The following ABL1 variants were observed in gnomAD, a reference collection of about 807,000 sequenced individuals.
ABL1 encodes tyrosine-protein kinase ABL1.
In ABL1, 11 loss-of-function variants were observed where a neutral mutation model predicts 94.7. That is an observed-to-expected ratio of 0.12 (90% CI 0.07 to 0.19). The LOEUF (loss-of-function observed/expected upper bound fraction) is 0.19. ABL1 is among the 10% of genes least tolerant of loss of function. ABL1 has a pLI of 1.00. For synonymous variants in ABL1, 656 were observed against 622.4 expected (o/e 1.05, Z -0.80); for missense variants, 1,082 against 1,489.4 (o/e 0.73, Z 4.50).
chr9:130,858,113 C>T (rs982195105), intron 3 of ABL1, among the ~76,000 whole-genome samples: 2 of 151,540 alleles, frequency 1.3e-5, no homozygotes, highest in African/African-American at 2.4e-5. Context: ...AGGTTTGCAC[C>T]GAACAGGATA....
intron 1 of ABL1, among the ~76,000 whole-genome samples, chr9:130,750,550 C>T (rs1247904527): frequency 6.7e-6 from 1 of 149,936 alleles, no homozygotes; most frequent in African/African-American, 2.4e-5. Context: ...ATCCTGGGTT[C>T]AAATGATTCT....
intron 1 of ABL1, among the ~76,000 whole-genome samples, chr9:130,755,203 T>C (rs937752139): frequency 1.3e-5 from 2 of 152,140 alleles, no homozygotes; most frequent in African/African-American, 4.8e-5. Flanking sequence ...GAATTTAGGT[T>C]GGGAGTGGAA....
chr9:130,725,297 G>A (rs1189615471), intron 1 of ABL1, among the ~76,000 whole-genome samples: 1 of 152,024 alleles, frequency 6.6e-6, no homozygotes, highest in African/African-American at 2.4e-5. Flanking sequence ...CTATGAATTT[G>A]CTCATTCTAG....
chr9:130,722,901 A>G (rs748393592), intron 1 of ABL1, among the ~76,000 whole-genome samples: 1 of 152,202 alleles, frequency 6.6e-6, no homozygotes, highest in Non-Finnish European at 1.5e-5. Context: ...ATGTGAAATC[A>G]TTTTGTATCA....
intron 1 of ABL1, among the ~76,000 whole-genome samples, chr9:130,719,514 G>A (rs534504176): frequency 2.0e-5 from 3 of 152,142 alleles, no homozygotes; most frequent in African/African-American, 4.8e-5. Context: ...CCTGGGCGAC[G>A]GAGTGAGACT....
At chr9:130,733,892 T>TA (rs907604312) in intron 1 of ABL1, among the ~76,000 whole-genome samples, 2 of 151,932 alleles carry the variant, frequency 1.3e-5, no homozygotes, top group African/African-American at 4.8e-5. Flanking sequence ...GCCTGGCCTG[T>TA]AAAGCACTTT....
intron 1 of ABL1, among the ~76,000 whole-genome samples, chr9:130,812,200 CAAA>C (rs35352789): frequency 1.0e-4 from 5 of 48,762 alleles, no homozygotes; most frequent in East Asian, 8.1e-4. Context: ...TCCATCTCTA[CAAA>C]AAAAAAAAAA....
intron 1 of ABL1, among the ~76,000 whole-genome samples, chr9:130,815,459 T>A (rs895031757): frequency 1.3e-5 from 2 of 152,176 alleles, no homozygotes; most frequent in Non-Finnish European, 2.9e-5. Flanking sequence ...AACTTTGGGA[T>A]CTTCCTTGAC....
intron 2 of ABL1, 46 bp from the exon 3 acceptor site, chr9:130,854,755 C>G: frequency 5.1e-6 from 8 of 1,553,994 alleles, no homozygotes; most frequent in Non-Finnish European, 7.0e-6. Flanking sequence ...AAGAACGAAG[C>G]TGGTTTCCAA....
intron 1 of ABL1, among the ~76,000 whole-genome samples, chr9:130,809,439 T>TGC (rs1483608983): frequency 6.8e-6 from 1 of 147,624 alleles, no homozygotes; most frequent in African/African-American, 2.7e-5. Flanking sequence ...TGTGTGTGTG[T>TGC]GTGTGCACGT....
exon 1 of ABL1, chr9:130,714,152 T>C (rs1014253895): frequency 3.8e-5 from 21 of 551,292 alleles, no homozygotes; most frequent in African/African-American, 2.9e-4. Context: ...CTAAAAAAAG[T>C]GCTTCCTTTT....
At chr9:130,745,283 C>T (rs1257003478) in intron 1 of ABL1, among the ~76,000 whole-genome samples, 1 of 151,922 alleles carries the variant, frequency 6.6e-6, no homozygotes, top group African/African-American at 2.4e-5. Context: ...AGGATTTCTC[C>T]ATGTTGGTCA....
At chr9:130,800,094 G>A (rs1307408738) in intron 1 of ABL1, among the ~76,000 whole-genome samples, 1 of 151,062 alleles carries the variant, frequency 6.6e-6, no homozygotes, top group Non-Finnish European at 1.5e-5. Context: ...GGCTGGTCTC[G>A]AACTCCTGAC....
At chr9:130,781,052 G>GCGTCATT (rs1022732350) in intron 1 of ABL1, among the ~76,000 whole-genome samples, 1 of 152,270 alleles carries the variant, frequency 6.6e-6, no homozygotes, top group African/African-American at 2.4e-5. Context: ...AACCTCACTT[G>GCGTCATT]CGTCATTCTG....
At chr9:130,851,178 T>G (rs1406102762) in intron 1 of ABL1, among the ~76,000 whole-genome samples, 2 of 152,120 alleles carry the variant, frequency 1.3e-5, no homozygotes, top group Non-Finnish European at 2.9e-5. Flanking sequence ...CATATTTTAA[T>G]AAAATTGATA....
intron 1 of ABL1, among the ~76,000 whole-genome samples, chr9:130,723,144 G>A (rs1831537141): frequency 6.6e-6 from 1 of 152,164 alleles, no homozygotes; most frequent in Non-Finnish European, 1.5e-5. Context: ...GAGGTCTCCC[G>A]AAGGCCTTCT....
chr9:130,786,365 G>A (rs959737236), intron 1 of ABL1, among the ~76,000 whole-genome samples: 12 of 152,200 alleles, frequency 7.9e-5, no homozygotes, highest in East Asian at 5.8e-4. Context: ...CAGGGGAGAC[G>A]GAAACAGCTT....
chr9:130,868,020 C>T (rs1024575615), intron 4 of ABL1, among the ~76,000 whole-genome samples: 4 of 151,048 alleles, frequency 2.6e-5, no homozygotes, highest in South Asian at 2.1e-4. Flanking sequence ...AGTACAGTGG[C>T]GTGATCTCGG....
At chr9:130,782,730 G>A (rs1197391862) in intron 1 of ABL1, among the ~76,000 whole-genome samples, 1 of 152,240 alleles carries the variant, frequency 6.6e-6, no homozygotes, top group East Asian at 1.9e-4. Flanking sequence ...CGCTGTGGTG[G>A]TGACTGTCCT....
Sources: allele counts gnomAD v4.1 joint callset (sites outside exome capture counted in the v4.1 genomes callset), GRCh38; gene constraint gnomAD v4.1.1; transcripts MANE v1.5; gene names NCBI Gene and HGNC (gene_info 2026-07-23, HGNC 2026-07-21).